Variants in GHR observed in about 807,000 individuals in gnomAD.
The protein encoded by GHR is GH receptor.
In GHR, 35 loss-of-function variants were observed where a neutral mutation model predicts 67.1. That is an observed-to-expected ratio of 0.52 (90% CI 0.40 to 0.69). GHR has a LOEUF of 0.69. Among genes scored for constraint, GHR ranks in the 30% least tolerant of loss-of-function variants. The probability of loss-of-function intolerance (pLI) is 0.00; values close to 1 mark genes in which losing one functional copy is unlikely to be tolerated. For missense variants in GHR, 792 were observed against 764.6 expected (o/e 1.04, Z -0.42); for synonymous variants, 272 against 269.1 (o/e 1.01, Z -0.10).
intron 1 of GHR, among the ~76,000 whole-genome samples, chr5:42,494,114 C>A (rs543562662): frequency 6.8e-4 from 104 of 152,220 alleles, no homozygotes; most frequent in African/African-American, 2.4e-3. Context: ...TCATGGAAAC[C>A]TCTCCATACA....
At chr5:42,587,064 G>T (rs1311407570) in intron 2 of GHR, among the ~76,000 whole-genome samples, 3 of 149,744 alleles carry the variant, frequency 2.0e-5, no homozygotes, top group Non-Finnish European at 4.4e-5. Flanking sequence ...AACTACAGCT[G>T]GGCTTATTTT....
intron 2 of GHR, among the ~76,000 whole-genome samples, chr5:42,597,226 G>A (rs1752117408): frequency 6.6e-6 from 1 of 152,134 alleles, no homozygotes; most frequent in Admixed American, 6.5e-5. Context: ...CCACTGTTAT[G>A]TAGTATTTTT....
intron 1 of GHR, among the ~76,000 whole-genome samples, chr5:42,466,192 CT>C (rs1442297713): frequency 6.6e-6 from 1 of 152,052 alleles, no homozygotes; most frequent in Non-Finnish European, 1.5e-5. Flanking sequence ...TCCATCAATC[CT>C]TGAGGGCTTG....
In GHR at chr5:42,512,340, G is replaced by C. The variant is rs371862174; in HGVS notation, c.-11-53524G>C. Among the ~76,000 whole-genome samples the C allele has an allele frequency of 2.0e-5, 3 of 152,230 alleles. No homozygotes were observed. In the East Asian group the frequency reaches 5.8e-4, roughly 29 times the overall value. On this transcript the variant is annotated intron_variant, in intron 1 of 9. Transcript: ENST00000230882. ...AGATTTCTGAGGTGTTCAGGGAATG[G>C]TGATTCATTAGGTATGGGGCTGGGG...
intron 2 of GHR, among the ~76,000 whole-genome samples, chr5:42,569,766 A>G (rs1367385721): frequency 6.7e-6 from 1 of 149,938 alleles, no homozygotes; most frequent in Non-Finnish European, 1.5e-5. Flanking sequence ...CTATATGTAT[A>G]TAGTATATGT....
intron 1 of GHR, among the ~76,000 whole-genome samples, chr5:42,449,546 T>C (rs1237526582): frequency 1.3e-5 from 2 of 152,136 alleles, no homozygotes; most frequent in African/African-American, 4.8e-5. Flanking sequence ...GAGGAGTCTT[T>C]AGGATTTTCT....
At chr5:42,688,307 C>T (rs1757256600) in intron 3 of GHR, among the ~76,000 whole-genome samples, 1 of 152,218 alleles carries the variant, frequency 6.6e-6, no homozygotes, top group Non-Finnish European at 1.5e-5. Flanking sequence ...ACCCTCAGCT[C>T]ATGTGCAGGT....
intron 1 of GHR, among the ~76,000 whole-genome samples, chr5:42,536,956 T>C (rs1411665623): frequency 6.6e-6 from 1 of 152,134 alleles, no homozygotes; most frequent in Non-Finnish European, 1.5e-5. Context: ...CACAAAGGTG[T>C]TCATAGTACT....
chr5:42,623,871 T>C (rs1753574713), intron 2 of GHR, among the ~76,000 whole-genome samples: 1 of 152,228 alleles, frequency 6.6e-6, no homozygotes, highest in Non-Finnish European at 1.5e-5. Context: ...TTTGTTACTA[T>C]TGGATGTGAT....
chr5:42,676,270 C>T (rs1308620926), intron 3 of GHR, among the ~76,000 whole-genome samples: 1 of 151,436 alleles, frequency 6.6e-6, no homozygotes. Context: ...GGTGACAGAG[C>T]GAGACTCCAT....
intron 1 of GHR, among the ~76,000 whole-genome samples, chr5:42,504,974 T>C (rs1238994055): frequency 4.6e-5 from 7 of 152,242 alleles, no homozygotes; most frequent in African/African-American, 1.7e-4. Flanking sequence ...TGCTCCAGAT[T>C]TTTGAATGCT....
chr5:42,434,550 T>G (rs1293400818), intron 1 of GHR, among the ~76,000 whole-genome samples: 2 of 152,300 alleles, frequency 1.3e-5, no homozygotes, highest in South Asian at 4.1e-4. Context: ...AGGATTAAAC[T>G]TCACAGTCTC....
At position 42,721,557 on chromosome 5, in the gene GHR, A is replaced by G. The variant is rs1012274215; in HGVS notation, c.*2133A>G. On this transcript the variant is annotated 3_prime_UTR_variant, in exon 10 of 10. Transcript: ENST00000230882. The stretch of plus-strand genomic sequence containing the variant: ...TCCAAGAGCTACATAATTTAGTTTC[A>G]TATAAAGTATCATCAGTGTAGAACC... 1 of 152,646 alleles carries G rather than the reference A, an allele frequency of 6.6e-6. No individual in the cohort carries two copies. The highest frequency in any genetic ancestry group is 1.5e-5 in the Non-Finnish European group (1 of 68,036). The allele number at this position is 152,646 out of a possible 1,614,324, so 9.5% of individuals were successfully genotyped here. A position where few individuals can be genotyped will look rare whatever the true frequency, so the allele number is the denominator to read the frequency against.
At chr5:42,657,303 G>A (rs369234335) in intron 3 of GHR, among the ~76,000 whole-genome samples, 7 of 152,098 alleles carry the variant, frequency 4.6e-5, no homozygotes, top group African/African-American at 1.7e-4. Context: ...AGGTCCAGGT[G>A]ACTGTTAAGG....
Position 42,719,320 on chromosome 5 carries a change from C to G in GHR, c.1813C>G (p.Gln605Glu). 1 of 1,614,182 alleles carries G rather than the reference C, an allele frequency of 6.2e-7. No individual in the cohort carries two copies. Among genetic ancestry groups the G allele is most frequent in the Non-Finnish European group, 8.5e-7 (1 of 1,180,002 alleles). ...YTSIHIVQSP[Q>E]GLILNATALP... ...CTCCATTCATATAGTACAGTCCCCA[C>G]AGGGCCTCATACTCAATGCGACTGC... is the stretch of plus-strand genomic sequence containing the variant. Residue 605 changes from glutamine to glutamate, a missense_variant, in exon 10 of 10, where the codon CAG becomes GAG. By Grantham distance (29) the Gln-to-Glu change is conservative. Transcript: ENST00000230882.
intron 2 of GHR, among the ~76,000 whole-genome samples, chr5:42,617,608 G>T (rs1002413566): frequency 6.6e-6 from 1 of 152,058 alleles, no homozygotes; most frequent in Non-Finnish European, 1.5e-5. Context: ...AATAAATACT[G>T]TGTTCAGAAC....
intron 2 of GHR, among the ~76,000 whole-genome samples, chr5:42,622,798 G>A (rs1753516163): frequency 6.6e-6 from 1 of 152,064 alleles, no homozygotes; most frequent in South Asian, 2.1e-4. Flanking sequence ...TAGAGAACTG[G>A]GATTGGCTGC....
At chr5:42,701,097 G>A (rs1036224792) in intron 6 of GHR, among the ~76,000 whole-genome samples, 1 of 152,132 alleles carries the variant, frequency 6.6e-6, no homozygotes, top group Non-Finnish European at 1.5e-5. Flanking sequence ...AGACCCTTGA[G>A]GGTCCCTGAG....
At chr5:42,595,246 TTAACAA>T (rs955138306) in intron 2 of GHR, among the ~76,000 whole-genome samples, 3 of 152,334 alleles carry the variant, frequency 2.0e-5, no homozygotes, top group African/African-American at 7.2e-5. Flanking sequence ...TATCATAAGT[TTAACAA>T]TGATGTAGAA....
Sources: gnomAD v4.1 joint callset for allele counts (sites outside exome capture counted in the v4.1 genomes callset) on GRCh38, gnomAD v4.1.1 for gene constraint, MANE v1.5 for transcripts, NCBI Gene and HGNC (gene_info 2026-07-23, HGNC 2026-07-21) for gene names.